The following LATS2 variants were observed in gnomAD, a reference collection of about 807,000 sequenced individuals.
LATS2 encodes serine/threonine-protein kinase LATS2.
In LATS2, 24 loss-of-function variants were observed where a neutral mutation model predicts 76.0. That is an observed-to-expected ratio of 0.32 (90% CI 0.23 to 0.44). LATS2 has a LOEUF of 0.44. Among genes scored for constraint, LATS2 ranks in the 20% least tolerant of loss-of-function variants. LATS2 has a pLI of 1.00. For synonymous variants in LATS2, 692 were observed against 635.4 expected, an observed-to-expected ratio of 1.09 and a Z score of -1.34; for missense variants, 1,286 against 1,481.2, an observed-to-expected ratio of 0.87 and a Z score of 2.16.
At chr13:21,039,708 G>A (rs1246562595) in intron 2 of LATS2, among the ~76,000 whole-genome samples, 1 of 152,176 alleles carries the variant, frequency 6.6e-6, no homozygotes, top group East Asian at 1.9e-4. Flanking sequence ...CCTAAGACAG[G>A]GAGAGCAAGA....
intron 6 of LATS2, among the ~76,000 whole-genome samples, chr13:20,980,608 A>C (rs1428041884): frequency 1.3e-5 from 2 of 152,192 alleles, no homozygotes; most frequent in Non-Finnish European, 2.9e-5. Flanking sequence ...AAAAACCCCA[A>C]GCAATGGTTT....
chr13:21,022,724 A>G (rs1033516728), intron 2 of LATS2, among the ~76,000 whole-genome samples: 1 of 152,208 alleles, frequency 6.6e-6, no homozygotes, highest in Non-Finnish European at 1.5e-5. Flanking sequence ...GCAAACACAC[A>G]CAAGGCCAAT....
At chr13:21,004,657 C>G (rs1407618738) in intron 2 of LATS2, among the ~76,000 whole-genome samples, 3 of 152,178 alleles carry the variant, frequency 2.0e-5, no homozygotes, top group African/African-American at 7.2e-5. Context: ...AGGCACACAT[C>G]TGCTTTGGCA....
intron 2 of LATS2, among the ~76,000 whole-genome samples, chr13:21,044,160 G>A (rs1872982272): frequency 1.3e-5 from 2 of 152,172 alleles, no homozygotes; most frequent in Admixed American, 6.6e-5. Context: ...CTATATACAA[G>A]TTAATCCCAG....
At chr13:21,026,798 A>G (rs561525630) in intron 2 of LATS2, among the ~76,000 whole-genome samples, 6 of 152,328 alleles carry the variant, frequency 3.9e-5, no homozygotes, top group African/African-American at 1.4e-4. Flanking sequence ...TCAATTTTTA[A>G]TTTAAAAAAC....
chr13:20,996,866 C>A (rs1414716956), intron 2 of LATS2, among the ~76,000 whole-genome samples: 6 of 152,186 alleles, frequency 3.9e-5, no homozygotes, highest in Non-Finnish European at 5.9e-5. Context: ...CTGGGCTATT[C>A]TTGCAGATTC....
At chr13:20,980,630 T>G (rs1017789494) in intron 6 of LATS2, among the ~76,000 whole-genome samples, 2 of 152,234 alleles carry the variant, frequency 1.3e-5, no homozygotes, top group African/African-American at 2.4e-5. Context: ...TTGAGAATGC[T>G]GCACGTGGTA....
intron 3 of LATS2, among the ~76,000 whole-genome samples, chr13:20,990,239 C>T (rs535970434): frequency 2.0e-5 from 3 of 152,302 alleles, no homozygotes; most frequent in Admixed American, 1.3e-4. Context: ...CTGGCCTTCC[C>T]TTTGAGCTGT....
intron 2 of LATS2, among the ~76,000 whole-genome samples, chr13:21,023,536 G>C (rs1366886882): frequency 1.3e-5 from 2 of 151,486 alleles, no homozygotes; most frequent in East Asian, 3.9e-4. Context: ...CACGCTGCCG[G>C]AGAGCCCAGA....
intron 2 of LATS2, among the ~76,000 whole-genome samples, chr13:21,023,928 G>A (rs1414046859): frequency 6.6e-6 from 1 of 151,340 alleles, no homozygotes; most frequent in African/African-American, 2.4e-5. Context: ...AGACGAGATC[G>A]CACCATTGCA....
chr13:21,011,393 T>C (rs773078128), intron 2 of LATS2, among the ~76,000 whole-genome samples: 11 of 152,224 alleles, frequency 7.2e-5, no homozygotes, highest in Non-Finnish European at 1.6e-4. Flanking sequence ...TCTAGACATA[T>C]ATTTCTCATG....
Position 21,045,945 on chromosome 13 carries a change from G to GC in LATS2, c.81_82insG (p.Gln28AlafsTer17), listed in dbSNP as rs1873061302. The GC allele has an allele frequency of 4.3e-6, 7 of 1,614,010 alleles. No homozygotes were observed. Among genetic ancestry groups the GC allele is most frequent in the Non-Finnish European group, 5.9e-6 (7 of 1,179,998 alleles). ...CCCTGAACCGAAGACTTGGATGGCT[G>GC]TTTTAACCCCTCACGAATCTCTTGC... On this transcript the variant is annotated frameshift_variant, in exon 2 of 8. Transcript: ENST00000382592. LOFTEE classifies it high-confidence loss of function.
chr13:21,002,656 G>T (rs1370354581), intron 2 of LATS2, among the ~76,000 whole-genome samples: 1 of 152,058 alleles, frequency 6.6e-6, no homozygotes, highest in Non-Finnish European at 1.5e-5. Flanking sequence ...GGGATTACAG[G>T]TGTGAGCCAT....
chr13:21,014,127 A>G (rs545012841), intron 2 of LATS2, among the ~76,000 whole-genome samples: 125 of 152,270 alleles, frequency 8.2e-4, no homozygotes, highest in Non-Finnish European at 1.3e-3. Context: ...TAGGAAAAAC[A>G]GATAAAAGTA....
In LATS2 at chr13:21,005,511, C is replaced by G. The variant is rs1871228472; in HGVS notation, c.343-14107G>C. 3 of 152,280 alleles carry G rather than the reference C, an allele frequency of 2.0e-5. No individual in the cohort carries two copies. The South Asian group carries it at 6.2e-4, about 32-fold the overall frequency. The allele number at this position is 152,280 out of a possible 1,614,324, so 9.4% of individuals were successfully genotyped here. On this transcript the variant is annotated intron_variant, in intron 2 of 7. Transcript: ENST00000382592. ...CCTCTGCAAGCTTCATTCTGAACTT[C>G]CAGTGTTTTTCTGACAGGAAGAGTA...
At chr13:21,057,497 T>C (rs1873483464) in intron 1 of LATS2, among the ~76,000 whole-genome samples, 1 of 152,232 alleles carries the variant, frequency 6.6e-6, no homozygotes, top group Non-Finnish European at 1.5e-5. Context: ...ACCTTGCTGT[T>C]TTCATACTTT....
At chr13:20,987,095 T>C (rs1216451922) in intron 4 of LATS2, among the ~76,000 whole-genome samples, 1 of 152,112 alleles carries the variant, frequency 6.6e-6, no homozygotes, top group Non-Finnish European at 1.5e-5. Flanking sequence ...CTCGGGAAGC[T>C]GAGGCAGGAG....
intron 3 of LATS2, 137 bp from the exon 4 acceptor site, chr13:20,989,441 T>G: frequency 1.2e-6 from 1 of 862,028 alleles, no homozygotes; most frequent in Non-Finnish European, 1.8e-6. Context: ...TGCTGCATTC[T>G]GCCCAGCACA....
chr13:21,030,544 A>G lies in LATS2; in HGVS notation c.342+15141T>C, dbSNP rs546959668. The stretch of plus-strand genomic sequence containing the variant: ...GCGGAGCTTGCAGCGAGCTGAGATC[A>G]CACCACTGCACTCCAGCCTGGGCGA... On this transcript the variant is annotated intron_variant, in intron 2 of 7. Transcript: ENST00000382592. Among the ~76,000 whole-genome samples, 15 of 148,666 alleles carry G rather than the reference A, an allele frequency of 1.0e-4. No individual in the cohort carries two copies. In the East Asian group the frequency reaches 1.8e-3, roughly 18 times the overall value.
Sources: gnomAD v4.1 joint callset for allele counts (sites outside exome capture counted in the v4.1 genomes callset) on GRCh38, gnomAD v4.1.1 for gene constraint, MANE v1.5 for transcripts, NCBI Gene and HGNC (gene_info 2026-07-23, HGNC 2026-07-21) for gene names.